Variants in MAML3 observed in about 807,000 individuals in gnomAD.
MAML3 encodes mastermind-like protein 3.
MAML3 carries 27 observed loss-of-function variants against 101.9 expected under a neutral mutation model. That is an observed-to-expected ratio of 0.27 (90% CI 0.20 to 0.37). The LOEUF is 0.37. Ranked by LOEUF, MAML3 falls within the 10% of genes least tolerant of loss-of-function variation. The pLI is 1.00. For synonymous variants in MAML3, 501 were observed against 555.9 expected (o/e 0.90, Z 1.39); for missense variants, 1,316 against 1,444.9 (o/e 0.91, Z 1.45).
At chr4:140,058,226 CCTTTGGAACACTTTGT>C (rs1215079383) in intron 1 of MAML3, among the ~76,000 whole-genome samples, 1 of 151,628 alleles carries the variant, frequency 6.6e-6, no homozygotes, top group African/African-American at 2.4e-5. Context: ...CCATGTTTTC[CCTTTGGAACACTTTGT>C]CTTTGAAGCC....
At chr4:140,054,048 T>C (rs143084047) in intron 1 of MAML3, among the ~76,000 whole-genome samples, 2 of 152,172 alleles carry the variant, frequency 1.3e-5, no homozygotes, top group Admixed American at 6.6e-5. Flanking sequence ...TATTTTATTA[T>C]AGACATATAT....
chr4:140,090,746 A>G (rs1437168153), intron 1 of MAML3, among the ~76,000 whole-genome samples: 1 of 152,190 alleles, frequency 6.6e-6, no homozygotes, highest in Non-Finnish European at 1.5e-5. Flanking sequence ...ATTCTTATCT[A>G]GGCTTTCTTC....
intron 2 of MAML3, among the ~76,000 whole-genome samples, chr4:139,812,823 A>G (rs1359466366): frequency 1.3e-5 from 2 of 152,200 alleles, no homozygotes; most frequent in African/African-American, 2.4e-5. Context: ...TACTCTTCAC[A>G]ATGAAGGTAC....
intron 1 of MAML3, among the ~76,000 whole-genome samples, chr4:140,089,606 G>C (rs976719598): frequency 2.0e-5 from 3 of 152,168 alleles, no homozygotes; most frequent in Non-Finnish European, 2.9e-5. Context: ...CAGCATGAAT[G>C]AATCTCAAAT....
At chr4:139,749,223 T>C (rs1470949488) in intron 2 of MAML3, among the ~76,000 whole-genome samples, 11 of 152,358 alleles carry the variant, frequency 7.2e-5, no homozygotes, top group Non-Finnish European at 1.3e-4. Flanking sequence ...GCCAAGTTCA[T>C]ATTTGACCTA....
At chr4:140,075,087 C>T (rs1727745104) in intron 1 of MAML3, among the ~76,000 whole-genome samples, 1 of 152,182 alleles carries the variant, frequency 6.6e-6, no homozygotes, top group African/African-American at 2.4e-5. Context: ...TTATGATAGA[C>T]TCAGCACTGT....
At chr4:140,141,378 A>G (rs544852721) in intron 1 of MAML3, among the ~76,000 whole-genome samples, 1 of 152,372 alleles carries the variant, frequency 6.6e-6, no homozygotes, top group East Asian at 1.9e-4. Context: ...TTACCATGTT[A>G]CACAGATGAC....
Position 139,908,028 on chromosome 4 carries a change from C to A in MAML3, c.469-17061G>T, listed in dbSNP as rs1253390729. Among the ~76,000 whole-genome samples, 3 of 152,136 alleles carry A rather than the reference C, an allele frequency of 2.0e-5. No individual in the cohort carries two copies. The East Asian group carries it at 5.8e-4, about 29-fold the overall frequency. On this transcript the variant is annotated intron_variant, in intron 1 of 4. Transcript: ENST00000509479. ...CCTATTGTAAGCTTAGAGTGAGGGGCTCTGGGACCTAGAATCACGTCTCTC... is the reference window on the plus strand; with the variant it reads ...CCTATTGTAAGCTTAGAGTGAGGGGATCTGGGACCTAGAATCACGTCTCTC...
chr4:139,912,535 C>T (rs973208942), intron 1 of MAML3, among the ~76,000 whole-genome samples: 9 of 152,172 alleles, frequency 5.9e-5, no homozygotes, highest in African/African-American at 2.2e-4. Flanking sequence ...ACTTCAGTAC[C>T]TCAGAATGTG....
chr4:140,041,083 A>T (rs1331234203), intron 1 of MAML3, among the ~76,000 whole-genome samples: 2 of 152,158 alleles, frequency 1.3e-5, no homozygotes, highest in African/African-American at 4.8e-5. Context: ...CATTTAAAAT[A>T]AGATTTTATT....
chr4:140,069,363 A>AAGGAGAAGGAGAAGG (rs1172807594), intron 1 of MAML3, among the ~76,000 whole-genome samples: 2 of 41,838 alleles, frequency 4.8e-5, no homozygotes, highest in African/African-American at 1.1e-4. Context: ...GGAGAAGGAG[A>AAGGAGAAGGAGAAGG]AGAAGAAGAA....
intron 1 of MAML3, among the ~76,000 whole-genome samples, chr4:140,138,240 C>T (rs1560905600): frequency 6.6e-6 from 1 of 152,160 alleles, no homozygotes; most frequent in Non-Finnish European, 1.5e-5. Flanking sequence ...TGGTTATTTA[C>T]GATTTTCACA....
At chr4:140,015,868 G>A (rs1365005478) in intron 1 of MAML3, among the ~76,000 whole-genome samples, 2 of 152,270 alleles carry the variant, frequency 1.3e-5, no homozygotes, top group East Asian at 1.9e-4. Context: ...CATGAGAATC[G>A]CTTTAACCCA....
intron 2 of MAML3, among the ~76,000 whole-genome samples, chr4:139,810,076 T>C (rs1449704961): frequency 6.6e-6 from 1 of 152,062 alleles, no homozygotes; most frequent in Non-Finnish European, 1.5e-5. Flanking sequence ...TATAGTCTTA[T>C]ATTCAGACAT....
chr4:140,045,014 T>C (rs1352750457), intron 1 of MAML3, among the ~76,000 whole-genome samples: 2 of 152,182 alleles, frequency 1.3e-5, no homozygotes, highest in Non-Finnish European at 2.9e-5. Context: ...CAAAAACTAC[T>C]CAAAATATCA....
chr4:140,081,153 C>T (rs745906587), intron 1 of MAML3, among the ~76,000 whole-genome samples: 7 of 152,010 alleles, frequency 4.6e-5, no homozygotes, highest in Non-Finnish European at 1.0e-4. Flanking sequence ...ATATTTTAGG[C>T]TTCCTCTGCC....
intron 1 of MAML3, among the ~76,000 whole-genome samples, chr4:140,078,914 A>G (rs543767246): frequency 7.2e-5 from 11 of 152,324 alleles, no homozygotes; most frequent in African/African-American, 2.6e-4. Context: ...ACAGGAGGAA[A>G]AAGAGGCAGC....
At chr4:139,883,807 G>A (rs1254537087) in intron 2 of MAML3, among the ~76,000 whole-genome samples, 1 of 150,746 alleles carries the variant, frequency 6.6e-6, no homozygotes, top group Admixed American at 6.6e-5. Flanking sequence ...ACTTGGATAA[G>A]GTAAATAATA....
At position 140,099,199 on chromosome 4, in the gene MAML3, T is replaced by C. The variant is rs563948375; in HGVS notation, c.468+53661A>G. ...ACACTAGCTAAAAACTTTTAAGTGT[T>C]CATAAAACTCTGTTCACATTGGAAG... On this transcript the variant is annotated intron_variant, in intron 1 of 4. Transcript: ENST00000509479. Among the ~76,000 whole-genome samples, 17 of 151,416 alleles carry C rather than the reference T, an allele frequency of 1.1e-4. 1 individual carries two copies. The South Asian group carries it at 3.6e-3, about 32-fold the overall frequency.
Sources: gnomAD v4.1 joint callset for allele counts (sites outside exome capture counted in the v4.1 genomes callset) on GRCh38, gnomAD v4.1.1 for gene constraint, MANE v1.5 for transcripts, NCBI Gene and HGNC (gene_info 2026-07-23, HGNC 2026-07-21) for gene names.